The following CLASP2 variants were observed in gnomAD, a reference collection of about 807,000 sequenced individuals.
CLASP2 encodes CLIP-associating protein 2.
A neutral mutation model predicts 194.4 loss-of-function variants in CLASP2; 47 were observed. The observed-to-expected ratio is 0.24, with a 90% confidence interval of 0.19 to 0.31. CLASP2 has a LOEUF of 0.31. CLASP2 is among the 10% of genes least tolerant of loss of function. The pLI, the probability that CLASP2 is intolerant of heterozygous loss-of-function variation, is 1.00. For synonymous variants in CLASP2, 619 were observed against 633.5 expected (o/e 0.98, Z 0.34); for missense variants, 1,445 against 1,823.6 (o/e 0.79, Z 3.78).
intron 33 of CLASP2, among the ~76,000 whole-genome samples, chr3:33,537,039 G>C (rs948215521): frequency 6.6e-6 from 1 of 152,166 alleles, no homozygotes; most frequent in African/African-American, 2.4e-5. Context: ...CAACTTTTAA[G>C]GTAAGCAGTG....
intron 32 of CLASP2, among the ~76,000 whole-genome samples, chr3:33,541,322 C>T (rs557860848): frequency 6.6e-6 from 1 of 152,174 alleles, no homozygotes; most frequent in South Asian, 2.1e-4. Context: ...GCCCCAACTC[C>T]TTCTTAAAAA....
intron 1 of CLASP2, among the ~76,000 whole-genome samples, chr3:33,698,464 C>T (rs1203455492): frequency 6.6e-6 from 1 of 152,078 alleles, no homozygotes; most frequent in Non-Finnish European, 1.5e-5. Flanking sequence ...CTGTTTCCCC[C>T]AACCAGACCA....
Position 33,689,916 on chromosome 3 carries a change from T to C in CLASP2, c.291A>G (p.Ile97Met). Residue 97 changes from isoleucine to methionine, a missense_variant, in exon 3 of 39, where the codon ATA becomes ATG. By Grantham distance (10) the Ile-to-Met change is conservative (BLOSUM62 1). Coordinates refer to ENST00000682230, the MANE Select transcript of CLASP2 (RefSeq NM_001365631.1). Reference sequence around the variant, plus strand: ...TGTCTTTGGCATCTCCCATTCTGTCTATTAAAGCTACAATAACTAAAGAAG... The same window carrying C: ...TGTCTTTGGCATCTCCCATTCTGTCCATTAAAGCTACAATAACTAAAGAAG... ...SYVAMVIVAL[I>M]DRMGDAKDKV... The C allele has an allele frequency of 6.3e-7, 1 of 1,587,508 alleles. No individual in the cohort carries two copies. Among genetic ancestry groups the C allele is most frequent in the Non-Finnish European group, 8.6e-7 (1 of 1,167,710 alleles).
chr3:33,677,760 GAA>G (rs550751096), intron 6 of CLASP2, among the ~76,000 whole-genome samples: 1 of 141,178 alleles, frequency 7.1e-6, no homozygotes, highest in African/African-American at 2.6e-5. Context: ...CTTGCTGCCT[GAA>G]AAAAAAAAAT....
At position 33,581,915 on chromosome 3, in the gene CLASP2, A is replaced by ACGACTG. The variant is rs749873543; in HGVS notation, c.2247_2252dup (p.Ser750_Arg751dup). On this transcript the variant is annotated inframe_insertion, in exon 23 of 39. Transcript: ENST00000682230. The stretch of plus-strand genomic sequence containing the variant: ...CTTGACTCACACTTGGTCGAGGAAT[A>ACGACTG]CGACTGCTTCGGGCTGGTGTGAAGC... The ACGACTG allele has an allele frequency of 3.1e-6, 5 of 1,613,104 alleles. No individual in the cohort carries two copies. Among genetic ancestry groups the ACGACTG allele is most frequent in the Admixed American group, 1.7e-5 (1 of 59,978 alleles).
intron 27 of CLASP2, chr3:33,563,963 C>T: frequency 2.2e-6 from 1 of 454,118 alleles, no homozygotes; most frequent in Non-Finnish European, 4.4e-6. Context: ...CAGTATGTGA[C>T]TCTCTATAGA....
intron 36 of CLASP2, among the ~76,000 whole-genome samples, chr3:33,511,441 G>A (rs2049772771): frequency 6.6e-6 from 1 of 152,118 alleles, no homozygotes; most frequent in Non-Finnish European, 1.5e-5. Context: ...CATAAGCCAT[G>A]CTGAAGCCCT....
chr3:33,659,949 A>C (rs1398185343), intron 7 of CLASP2, among the ~76,000 whole-genome samples: 1 of 152,274 alleles, frequency 6.6e-6, no homozygotes, highest in Non-Finnish European at 1.5e-5. Context: ...GTAATTTCAA[A>C]GCCTCATTTC....
At chr3:33,659,878 T>C (rs922087036) in intron 7 of CLASP2, among the ~76,000 whole-genome samples, 2 of 152,240 alleles carry the variant, frequency 1.3e-5, no homozygotes, top group Non-Finnish European at 2.9e-5. Flanking sequence ...GGGTATGTTA[T>C]AAAAATATAC....
chr3:33,662,566 C>T (rs372918271), intron 7 of CLASP2, among the ~76,000 whole-genome samples: 2 of 152,170 alleles, frequency 1.3e-5, no homozygotes, highest in African/African-American at 4.8e-5. Flanking sequence ...CTCCATCTGA[C>T]TTCCCGCAAC....
intron 7 of CLASP2, among the ~76,000 whole-genome samples, chr3:33,649,320 C>T (rs1293474405): frequency 3.9e-5 from 6 of 152,166 alleles, no homozygotes; most frequent in Admixed American, 3.9e-4. Context: ...ATATATTTTA[C>T]TTATTTTGCT....
At chr3:33,651,684 T>G (rs1575279667) in intron 7 of CLASP2, among the ~76,000 whole-genome samples, 1 of 137,486 alleles carries the variant, frequency 7.3e-6, no homozygotes, top group South Asian at 2.3e-4. Flanking sequence ...TTTGAGACAG[T>G]GTTTTGCTGT....
intron 1 of CLASP2, among the ~76,000 whole-genome samples, chr3:33,702,338 A>G (rs1575698309): frequency 6.6e-6 from 1 of 152,198 alleles, no homozygotes. Flanking sequence ...ATACATTTGT[A>G]TGGGCAACTG....
chr3:33,664,558 A>T (rs1188555098), intron 6 of CLASP2, among the ~76,000 whole-genome samples: 8 of 152,184 alleles, frequency 5.3e-5, no homozygotes, highest in Admixed American at 1.3e-4. Flanking sequence ...GAACTAAAAA[A>T]TTTTTTTAGT....
chr3:33,639,966 T>C (rs1284527620), intron 8 of CLASP2, among the ~76,000 whole-genome samples: 1 of 152,242 alleles, frequency 6.6e-6, no homozygotes, highest in Non-Finnish European at 1.5e-5. Context: ...CCATGTGATC[T>C]TGGGCACATC....
At chr3:33,622,975 AT>A (rs2077355765) in intron 10 of CLASP2, among the ~76,000 whole-genome samples, 1 of 151,856 alleles carries the variant, frequency 6.6e-6, no homozygotes, top group African/African-American at 2.4e-5. Flanking sequence ...TGCCTGGATA[AT>A]TTTTGTATTT....
Position 33,510,703 on chromosome 3 carries a change from C to A in CLASP2, c.4172G>T (p.Cys1391Phe), listed in dbSNP as rs2154089556. The change falls in exon 37 of 39, where the codon TGC becomes TTC. Residue 1391 changes from cysteine to phenylalanine, a missense_variant. Physicochemically the swap from Cys to Phe is radical, Grantham distance 205. Coordinates refer to ENST00000682230, the MANE Select transcript of CLASP2 (RefSeq NM_001365631.1). ...VLATSISPEQ[C>F]IKVLCPIIQT... ...AATGATAGGACAAAGCACTTTGATG[C>A]ACTGCTCTGGACTAATTGAAGTGGC... The A allele has an allele frequency of 6.2e-7, 1 of 1,613,492 alleles. No individual in the cohort carries two copies. The highest frequency in any genetic ancestry group is 8.5e-7 in the Non-Finnish European group (1 of 1,179,704).
At chr3:33,619,772 T>C in intron 11 of CLASP2, 34 bp from the exon 12 acceptor site, 2 of 1,513,316 alleles carry the variant, frequency 1.3e-6, no homozygotes, top group South Asian at 2.5e-5. Flanking sequence ...TTTTTAATAG[T>C]TTAACATTAA....
At chr3:33,591,777 CATGA>C (rs1224310044) in intron 21 of CLASP2, among the ~76,000 whole-genome samples, 1 of 152,094 alleles carries the variant, frequency 6.6e-6, no homozygotes, top group Non-Finnish European at 1.5e-5. Flanking sequence ...TTAAATTTAA[CATGA>C]ATGAAACAGA....
Sources: gnomAD v4.1 joint callset for allele counts (sites outside exome capture counted in the v4.1 genomes callset) on GRCh38, gnomAD v4.1.1 for gene constraint, MANE v1.5 for transcripts, NCBI Gene and HGNC (gene_info 2026-07-23, HGNC 2026-07-21) for gene names.